The following GLI2 variants were observed in gnomAD, a reference collection of about 807,000 sequenced individuals.
The protein encoded by GLI2 is GLI family zinc finger 2, also known as transcription activator GLI2.
In GLI2, 22 loss-of-function variants were observed where a neutral mutation model predicts 78.9. That is an observed-to-expected ratio of 0.28 (90% CI 0.20 to 0.40). The LOEUF is 0.40. Ranked by LOEUF, GLI2 falls within the 10% of genes least tolerant of loss-of-function variation. The pLI, the probability that GLI2 is intolerant of heterozygous loss-of-function variation, is 1.00. For synonymous variants in GLI2, 974 were observed against 963.7 expected, an observed-to-expected ratio of 1.01 and a Z score of -0.20; for missense variants, 2,097 against 2,213.2, an observed-to-expected ratio of 0.95 and a Z score of 1.05.
chr2:120,924,654 A>G (rs1383714480), intron 2 of GLI2, among the ~76,000 whole-genome samples: 1 of 152,164 alleles, frequency 6.6e-6, no homozygotes, highest in Non-Finnish European at 1.5e-5. Context: ...CACATTTGGG[A>G]AAGCGAACAC....
At chr2:120,869,523 C>CA (rs1400513638) in intron 2 of GLI2, among the ~76,000 whole-genome samples, 16 of 152,244 alleles carry the variant, frequency 1.1e-4, no homozygotes, top group African/African-American at 3.9e-4. Context: ...AGGTAATGAG[C>CA]AAAAGCTACA....
chr2:120,827,133 G>A (rs1686106009), intron 2 of GLI2, among the ~76,000 whole-genome samples: 1 of 152,220 alleles, frequency 6.6e-6, no homozygotes, highest in Admixed American at 6.5e-5. Flanking sequence ...GGACCTCTAG[G>A]CTTCCCTCAG....
At chr2:120,978,345 G>T (rs1490459681) in intron 9 of GLI2, 89 bp from the exon 10 acceptor site, 2 of 1,447,064 alleles carry the variant, frequency 1.4e-6, no homozygotes, top group Admixed American at 1.7e-5. Flanking sequence ...GGCTGGGGGG[G>T]TGCCGGTGCA....
rs746213496 is a variant in GLI2 at position 120,990,259 on chromosome 2, G to A, written c.4294G>A (p.Gly1432Ser). The change falls in exon 14 of 14, where the codon GGC (glycine) becomes AGC (serine). Residue 1432 changes from glycine (G) to serine (S), a missense_variant. By Grantham distance (56) the Gly-to-Ser change is moderately conservative. Coordinates refer to ENST00000361492, the MANE Select transcript of GLI2 (RefSeq NM_001374353.1). ...GGACCACAGCATGCTCTACTACTAC[G>A]GCCAGATCCACATGTACGAACAGGA... is the stretch of plus-strand genomic sequence containing the variant. ...APDHSMLYYY[G>S]QIHMYEQDGG... 9.3e-6 allele frequency: 15 copies of A among 1,613,652 alleles called. No individual in the cohort carries two copies. The highest frequency in any genetic ancestry group is 1.3e-5 in the African/African-American group (1 of 75,014).
At position 120,836,325 on chromosome 2, in the gene GLI2, ATG is replaced by A. The variant is rs1381722190; in HGVS notation, c.148+38865_148+38866del. On this transcript the variant is annotated intron_variant, in intron 2 of 13. Coordinates refer to ENST00000361492, the MANE Select transcript of GLI2 (RefSeq NM_001374353.1). ...AAGTTGATTAAGATGTTATCTTATT[ATG>A]TGTGTGTATATGTGTATATTTTTTT... Among the ~76,000 whole-genome samples, 3 of 152,158 alleles carry A rather than the reference ATG, an allele frequency of 2.0e-5. No individual in the cohort carries two copies. The East Asian group carries it at 5.8e-4, about 29-fold the overall frequency.
chr2:120,905,287 A>T (rs277529), intron 2 of GLI2, among the ~76,000 whole-genome samples: 74,812 of 151,770 alleles, frequency 0.49, 22,237 homozygotes, highest in African/African-American at 0.84. Flanking sequence ...AAGTGCTGGA[A>T]CCTCTACGGG....
chr2:120,914,617 C>T (rs1317640684), intron 2 of GLI2, among the ~76,000 whole-genome samples: 5 of 152,170 alleles, frequency 3.3e-5, no homozygotes, highest in Admixed American at 1.3e-4. Flanking sequence ...CTTGTGATGG[C>T]GGGGATCTCC....
intron 13 of GLI2, 59 bp from the exon 14 acceptor site, chr2:120,988,138 TGACTGAGCACG>T: frequency 1.4e-6 from 2 of 1,403,236 alleles, no homozygotes; most frequent in Non-Finnish European, 1.9e-6. Context: ...CCCAGTGCGA[TGACTGAGCACG>T]GTCAAAGCAA....
At chr2:120,915,074 G>T (rs977237522) in intron 2 of GLI2, among the ~76,000 whole-genome samples, 4 of 152,218 alleles carry the variant, frequency 2.6e-5, no homozygotes, top group African/African-American at 9.6e-5. Context: ...CCTGGAATGT[G>T]CAGGTCCCTC....
chr2:120,810,222 G>A (rs892313060), intron 2 of GLI2, among the ~76,000 whole-genome samples: 2 of 152,270 alleles, frequency 1.3e-5, no homozygotes, highest in African/African-American at 4.8e-5. Context: ...GGTCTTGCCA[G>A]TGCTACGCGG....
intron 1 of GLI2, among the ~76,000 whole-genome samples, chr2:120,784,789 T>C (rs1683947820): frequency 6.6e-6 from 1 of 152,102 alleles, no homozygotes; most frequent in Non-Finnish European, 1.5e-5. Context: ...CAGGAAACCT[T>C]CCTTGACTCC....
chr2:120,983,237 G>A (rs966557036), intron 11 of GLI2, among the ~76,000 whole-genome samples: 22 of 152,108 alleles, frequency 1.4e-4, no homozygotes, highest in African/African-American at 4.8e-4. Flanking sequence ...TTCTGATCTC[G>A]GAGTGTTTAA....
chr2:120,964,551 C>T (rs1573688925), intron 5 of GLI2, among the ~76,000 whole-genome samples: 2 of 152,154 alleles, frequency 1.3e-5, no homozygotes, highest in African/African-American at 4.8e-5. Flanking sequence ...CGAGCCCACA[C>T]GTAAGTGGGC....
At chr2:120,810,904 A>G (rs2104725828) in intron 2 of GLI2, among the ~76,000 whole-genome samples, 1 of 152,296 alleles carries the variant, frequency 6.6e-6, no homozygotes, top group East Asian at 1.9e-4. Flanking sequence ...TCTGATCACC[A>G]GAGGGTGGAG....
rs560385308 is a variant in GLI2 at position 120,790,215 on chromosome 2, C to G, written c.-30-7076C>G. Among the ~76,000 whole-genome samples the G allele has an allele frequency of 1.7e-3, 261 of 152,316 alleles. 1 individual carries two copies. Among genetic ancestry groups the G allele is most frequent in the Non-Finnish European group, 3.4e-3 (231 of 68,036 alleles). ...GGGGTGGTGGGCCATGCACCAAATC[C>G]ATAGAGAAACAGGGGGGTCTGTTGG... is the stretch of plus-strand genomic sequence containing the variant. On this transcript the variant is annotated intron_variant, in intron 1 of 13. Coordinates refer to ENST00000361492, the MANE Select transcript of GLI2 (RefSeq NM_001374353.1).
chr2:120,813,561 G>A (rs7583933), intron 2 of GLI2, among the ~76,000 whole-genome samples: 3,768 of 152,290 alleles, frequency 0.025, 137 homozygotes, highest in African/African-American at 0.085. Context: ...GTGACTGCCC[G>A]GGGCGATGGG....
intron 2 of GLI2, among the ~76,000 whole-genome samples, chr2:120,798,719 G>A (rs1372736514): frequency 1.3e-5 from 2 of 152,150 alleles, no homozygotes; most frequent in East Asian, 1.9e-4. Context: ...AGCTGGGGGT[G>A]GAGGAAGAGC....
At chr2:120,780,198 A>G (rs1415956907) in intron 1 of GLI2, among the ~76,000 whole-genome samples, 1 of 152,110 alleles carries the variant, frequency 6.6e-6, no homozygotes, top group East Asian at 1.9e-4. Flanking sequence ...CGGGCGTGCC[A>G]CACACACTCA....
intron 2 of GLI2, among the ~76,000 whole-genome samples, chr2:120,898,151 T>C (rs769031527): frequency 1.4e-5 from 2 of 146,534 alleles, no homozygotes; most frequent in Non-Finnish European, 3.0e-5. Flanking sequence ...TAAAACGCAA[T>C]GGCATAAGGC....
Sources: gnomAD v4.1 joint callset for allele counts (sites outside exome capture counted in the v4.1 genomes callset) on GRCh38, gnomAD v4.1.1 for gene constraint, MANE v1.5 for transcripts, NCBI Gene and HGNC (gene_info 2026-07-23, HGNC 2026-07-21) for gene names.